The following NUAK1 variants were observed in gnomAD, a reference collection of about 807,000 sequenced individuals.
The protein encoded by NUAK1 is NUAK family kinase 1.
In NUAK1, 26 loss-of-function variants were observed where a neutral mutation model predicts 56.9. The observed-to-expected ratio is 0.46, with a 90% CI of 0.33 to 0.63. The LOEUF is 0.63. NUAK1 is among the 30% of genes least tolerant of loss of function. NUAK1 has a pLI of 0.02. For missense variants in NUAK1, 727 were observed against 876.1 expected (o/e 0.83, Z 2.15); for synonymous variants, 337 against 336.0 (o/e 1.00, Z -0.03).
chr12:106,119,370 C>T (rs1053482325), intron 1 of NUAK1, among the ~76,000 whole-genome samples: 12 of 152,298 alleles, frequency 7.9e-5, no homozygotes, highest in Middle Eastern at 6.8e-3. Context: ...CCAGAAAACA[C>T]GACTTCATGC....
intron 1 of NUAK1, among the ~76,000 whole-genome samples, chr12:106,117,238 T>C: frequency 6.6e-6 from 1 of 152,200 alleles, no homozygotes; most frequent in East Asian, 1.9e-4. Context: ...AGATGCTCTT[T>C]CTAAGGTTTC....
Position 106,065,557 on chromosome 12 carries a change from T to C in NUAK1, c.*1245A>G, listed in dbSNP as rs2032328363. On this transcript the variant is annotated 3_prime_UTR_variant, in exon 7 of 7. Transcript: ENST00000261402. ...TAGATTTGGGGGAAAAAAAGCACCA[T>C]CTACCTGATTTTCCTTTCCTCATCC... 1 of 152,134 alleles carries C rather than the reference T, an allele frequency of 6.6e-6. No homozygotes were observed. The highest frequency in any genetic ancestry group is 1.5e-5 in the Non-Finnish European group (1 of 68,030). 9.4% of individuals were successfully genotyped at this position (152,134 alleles called of 1,614,324 possible).
intron 2 of NUAK1, 76 bp from the exon 3 acceptor site, chr12:106,086,961 G>T: frequency 6.5e-7 from 1 of 1,539,356 alleles, no homozygotes; most frequent in Non-Finnish European, 8.9e-7. Context: ...GAATGCGAGA[G>T]AGGACAACGG....
chr12:106,078,701 G>A (rs1245699723), intron 4 of NUAK1, among the ~76,000 whole-genome samples: 2 of 152,198 alleles, frequency 1.3e-5, no homozygotes, highest in Non-Finnish European at 2.9e-5. Flanking sequence ...CTAAGCTCAT[G>A]CTGCCTCTCT....
intron 1 of NUAK1, among the ~76,000 whole-genome samples, chr12:106,112,110 G>A (rs913763174): frequency 6.0e-4 from 91 of 151,926 alleles, no homozygotes; most frequent in African/African-American, 2.1e-3. Flanking sequence ...CCAAAAGGAG[G>A]GACTGGAGGG....
Position 106,119,408 on chromosome 12 carries a change from T to C in NUAK1, c.241-12883A>G, listed in dbSNP as rs142692344. 1.1e-3 allele frequency among the ~76,000 whole-genome samples: 165 copies of C among 152,278 alleles called. 2 individuals are homozygous for C. The East Asian group carries it at 0.021, about 20-fold the overall frequency. On this transcript the variant is annotated intron_variant, in intron 1 of 6. Transcript: ENST00000261402. ...GGAGCGCCATTCAGCCCTGAAGACT[T>C]TGGGGAATGGAAATAAGCCCTTAGA...
intron 2 of NUAK1, 130 bp from the exon 3 acceptor site, chr12:106,087,015 ATCAGCCAAT>A: frequency 8.4e-7 from 1 of 1,187,312 alleles, no homozygotes; most frequent in Non-Finnish European, 1.2e-6. Flanking sequence ...CAGAACACAA[ATCAGCCAAT>A]TCAGCATCAC....
At chr12:106,114,959 G>A (rs1325047158) in intron 1 of NUAK1, among the ~76,000 whole-genome samples, 1 of 152,180 alleles carries the variant, frequency 6.6e-6, no homozygotes, top group African/African-American at 2.4e-5. Flanking sequence ...ACATAGCTAT[G>A]CCAGAGACGC....
chr12:106,084,090 T>C lies in NUAK1; in HGVS notation c.514-161A>G, dbSNP rs984552299. 1.8e-4 allele frequency: 110 copies of C among 621,122 alleles called. 1 individual carries two copies. Among genetic ancestry groups the C allele is most frequent in the Middle Eastern group, 1.3e-3 (4 of 3,090 alleles). The allele number at this position is 621,122 out of a possible 1,614,324, so 38.5% of individuals were successfully genotyped here. A position where few individuals can be genotyped will look rare whatever the true frequency, so the allele number is the denominator to read the frequency against. On this transcript the variant is annotated intron_variant, in intron 3 of 6. Coordinates refer to ENST00000261402, the MANE Select transcript of NUAK1 (RefSeq NM_014840.3). ...TCCATCCTTCAGGCTGCTCTCACTGTCTTGACGCTCCCCCGCCAGCGACCA... is the reference window on the plus strand; with the variant it reads ...TCCATCCTTCAGGCTGCTCTCACTGCCTTGACGCTCCCCCGCCAGCGACCA...
At chr12:106,128,904 T>C (rs899991400) in intron 1 of NUAK1, among the ~76,000 whole-genome samples, 5 of 152,214 alleles carry the variant, frequency 3.3e-5, no homozygotes, top group African/African-American at 1.2e-4. Context: ...AGACATACAT[T>C]AACTCCGCAC....
chr12:106,070,179 C>A (rs1337280556), intron 6 of NUAK1, among the ~76,000 whole-genome samples: 1 of 152,234 alleles, frequency 6.6e-6, no homozygotes, highest in East Asian at 1.9e-4. Flanking sequence ...CCAGCAGCAG[C>A]CCCAACTGCC....
chr12:106,083,971 G>A, intron 3 of NUAK1, 42 bp from the exon 4 acceptor site: 1 of 1,536,652 alleles, frequency 6.5e-7, no homozygotes. Flanking sequence ...GGGAGCGGCT[G>A]GGATGAGAAC....
At chr12:106,110,747 G>T (rs1236924494) in intron 1 of NUAK1, among the ~76,000 whole-genome samples, 2 of 152,214 alleles carry the variant, frequency 1.3e-5, no homozygotes, top group Admixed American at 6.5e-5. Context: ...AAAATGGTCT[G>T]CTTTTAAATA....
At chr12:106,106,683 A>G (rs2032805344) in intron 1 of NUAK1, among the ~76,000 whole-genome samples, 158 bp from the exon 2 acceptor site, 1 of 152,222 alleles carries the variant, frequency 6.6e-6, no homozygotes, top group African/African-American at 2.4e-5. Context: ...TCTTTCATAC[A>G]CAGCAAAAAC....
chr12:106,103,687 T>C (rs1005590263), intron 2 of NUAK1, among the ~76,000 whole-genome samples: 2 of 152,146 alleles, frequency 1.3e-5, no homozygotes, highest in African/African-American at 2.4e-5. Flanking sequence ...CCCACCCAAA[T>C]CTCATCTTGA....
chr12:106,087,473 G>A (rs553420117), intron 2 of NUAK1, among the ~76,000 whole-genome samples: 1 of 152,132 alleles, frequency 6.6e-6, no homozygotes. Flanking sequence ...ATGTAAAAGG[G>A]GGTTGTCCTG....
intron 2 of NUAK1, chr12:106,087,100 A>T (rs1287187949): frequency 2.0e-6 from 1 of 503,434 alleles, no homozygotes; most frequent in South Asian, 3.6e-5. Flanking sequence ...GTTCCTGGAC[A>T]CGCCTTTGTC....
chr12:106,106,406 T>G lies in NUAK1; in HGVS notation c.360A>C (p.Glu120Asp). Reference sequence around the variant, plus strand: ...TTAAAAAAAAAAAAAATCACTGACCTTCATAAATACTGATGATATGAGGAT... The same window carrying G: ...TTAAAAAAAAAAAAAATCACTGACCGTCATAAATACTGATGATATGAGGAT... ...LNHPHIISIY[E>D]VFENKDKIVI... is the part of the protein sequence containing the mutation. The change falls in exon 2 of 7, where the codon GAA becomes GAC. Residue 120 changes from glutamate to aspartate, a missense_variant and splice_region_variant. Physicochemically the swap from Glu to Asp is conservative, Grantham distance 45. Coordinates refer to ENST00000261402, the MANE Select transcript of NUAK1 (RefSeq NM_014840.3). 1 of 1,599,878 alleles carries G rather than the reference T, an allele frequency of 6.3e-7. No homozygotes were observed. Among genetic ancestry groups the G allele is most frequent in the Non-Finnish European group, 8.5e-7 (1 of 1,174,094 alleles).
intron 2 of NUAK1, among the ~76,000 whole-genome samples, chr12:106,101,852 G>C (rs928372329): frequency 6.6e-6 from 1 of 152,148 alleles, no homozygotes; most frequent in Admixed American, 6.5e-5. Context: ...CAGATGGCAG[G>C]ATGTCTAACT....
Sources: allele counts gnomAD v4.1 joint callset (sites outside exome capture counted in the v4.1 genomes callset), GRCh38; gene constraint gnomAD v4.1.1; transcripts MANE v1.5; gene names NCBI Gene and HGNC (gene_info 2026-07-23, HGNC 2026-07-21).